Variants in GYG2 observed in about 807,000 individuals in gnomAD.
GYG2 encodes the protein glycogenin-2.
Under a neutral mutation model 29.4 loss-of-function variants are expected in GYG2, and 29 were observed. The observed-to-expected ratio is 0.99, with a 90% confidence interval of 0.74 to 1.35. The LOEUF (loss-of-function observed/expected upper bound fraction) is 1.35. Among genes scored for constraint, GYG2 ranks in the 40% most tolerant of loss-of-function variants. GYG2 has a pLI of 0.00. For missense variants in GYG2, 370 were observed against 385.7 expected (o/e 0.96, Z 0.34); for synonymous variants, 167 against 172.3 (o/e 0.97, Z 0.24).
At position 2,856,963 on chromosome X, in the gene GYG2, TTATCTATCTATCTATC is replaced by T. The variant is rs71989016; in HGVS notation, c.614+372_614+387del. ...TACCTATATAGGCCTAGACATCTGTTTATCTATCTATCTATCTATCTATCTATCTATCTATCTATCT... is the reference window on the plus strand; with the variant it reads ...TACCTATATAGGCCTAGACATCTGTTTATCTATCTATCTATCTATCTATCT... On this transcript the variant is annotated intron_variant, in intron 6 of 10. Transcript: ENST00000398806. Among the ~76,000 whole-genome samples, 463 of 63,593 alleles carry T rather than the reference TTATCTATCTATCTATC, an allele frequency of 7.3e-3. 1 individual carries two copies. The highest frequency in any genetic ancestry group is 0.02 in the African/African-American group (205 of 10,495). 55.2% of individuals were successfully genotyped at this position (63,593 alleles called of 115,157 possible). A position where few individuals can be genotyped will look rare whatever the true frequency, so the allele number is the denominator to read the frequency against.
intron 6 of GYG2, among the ~76,000 whole-genome samples, chrX:2,857,991 GA>G (rs1323030538): frequency 9.0e-6 from 1 of 111,333 alleles, no homozygotes; most frequent in Non-Finnish European, 1.9e-5. Flanking sequence ...CGCCTCTTGG[GA>G]AAATGGATGG....
chrX:2,871,684 C>T (rs6642057), intron 8 of GYG2, among the ~76,000 whole-genome samples: 9,913 of 102,499 alleles, frequency 0.097, 472 homozygotes, highest in South Asian at 0.35. Context: ...AACGAGACTC[C>T]GTCTCAAATA....
intron 8 of GYG2, among the ~76,000 whole-genome samples, chrX:2,863,419 C>T (rs779664699): frequency 2.2e-4 from 25 of 111,746 alleles, no homozygotes; most frequent in Non-Finnish European, 4.5e-4. Context: ...ACAAGTTTCT[C>T]AACAGAATTA....
rs890249907 is a variant in GYG2, at chrX:2,881,826, C to T, written c.*613C>T. ...CTAGAGCGTTGACAGAAATTCTACTCGTGGACGTTGGGAAGAAAGATTGTA... is the reference window on the plus strand; with the variant it reads ...CTAGAGCGTTGACAGAAATTCTACTTGTGGACGTTGGGAAGAAAGATTGTA... On this transcript the variant is annotated 3_prime_UTR_variant, in exon 11 of 11. Coordinates refer to ENST00000398806, the MANE Select transcript of GYG2 (RefSeq NM_001079855.2). 1 of 111,353 alleles carries T rather than the reference C, an allele frequency of 9.0e-6. No individual in the cohort carries two copies. Among genetic ancestry groups the T allele is most frequent in the Non-Finnish European group, 1.9e-5 (1 of 53,076 alleles). The allele number at this position is 111,353 out of a possible 1,213,427, so 9.2% of individuals were successfully genotyped here. A position where few individuals can be genotyped will look rare whatever the true frequency, so the allele number is the denominator to read the frequency against.
At position 2,835,179 on chromosome X, in the gene GYG2, C is replaced by G. The variant is rs143420386; in HGVS notation, c.7+4984C>G. Among the ~76,000 whole-genome samples the G allele has an allele frequency of 2.3e-3, 253 of 111,753 alleles. 1 individual carries two copies. The highest frequency in any genetic ancestry group is 7.9e-3 in the African/African-American group (242 of 30,753). On this transcript the variant is annotated intron_variant, in intron 2 of 10. Coordinates refer to ENST00000398806, the MANE Select transcript of GYG2 (RefSeq NM_001079855.2). Reference sequence around the variant, plus strand: ...AGTTATTATCAATAGAAGAGAATGTCTGGGTTATGATAAGAGGTTGTAGAG... The same window carrying G: ...AGTTATTATCAATAGAAGAGAATGTGTGGGTTATGATAAGAGGTTGTAGAG...
intron 10 of GYG2, among the ~76,000 whole-genome samples, chrX:2,878,847 C>T (rs1383759386): frequency 4.5e-5 from 5 of 112,048 alleles, no homozygotes; most frequent in African/African-American, 1.6e-4. Flanking sequence ...CTTGGATACT[C>T]ATCTCTTGTT....
chrX:2,881,407 C>T lies in GYG2; in HGVS notation c.*194C>T. 1 of 374,774 alleles carries T rather than the reference C, an allele frequency of 2.7e-6. No homozygotes were observed. Among genetic ancestry groups the T allele is most frequent in the Non-Finnish European group, 4.5e-6 (1 of 222,447 alleles). The allele number at this position is 374,774 out of a possible 1,213,427, so 30.9% of individuals were successfully genotyped here. A position where few individuals can be genotyped will look rare whatever the true frequency, so the allele number is the denominator to read the frequency against. ...TCCACCTTAAAGCCCCTCGCCCCAA[C>T]TTCTCCACCAACGCCTTCTGGGCTT... On this transcript the variant is annotated 3_prime_UTR_variant, in exon 11 of 11. Coordinates refer to ENST00000398806, the MANE Select transcript of GYG2 (RefSeq NM_001079855.2).
rs2088733116 is a variant in GYG2 at position 2,882,221 on chromosome X, G to C, written c.*1008G>C. On this transcript the variant is annotated 3_prime_UTR_variant, in exon 11 of 11. Coordinates refer to ENST00000398806, the MANE Select transcript of GYG2 (RefSeq NM_001079855.2). ...TGTGTATCTCACCAGGTAGCTGTCAGGGGCCACCGAGAGTGTCGTTAAAAA... is the reference window on the plus strand; with the variant it reads ...TGTGTATCTCACCAGGTAGCTGTCACGGGCCACCGAGAGTGTCGTTAAAAA... 9.0e-6 allele frequency: 1 copy of C among 110,731 alleles called. No individual in the cohort carries two copies. The highest frequency in any genetic ancestry group is 1.9e-5 in the Non-Finnish European group (1 of 52,895). The allele number at this position is 110,731 out of a possible 1,213,427, so 9.1% of individuals were successfully genotyped here.
At chrX:2,870,830 G>T (rs990754648) in intron 8 of GYG2, among the ~76,000 whole-genome samples, 1 of 111,478 alleles carries the variant, frequency 9.0e-6, no homozygotes, top group South Asian at 3.8e-4. Flanking sequence ...ACATATCTGG[G>T]TTTCAGGTGG....
At chrX:2,871,745 T>C (rs1305914472) in intron 8 of GYG2, among the ~76,000 whole-genome samples, 2 of 110,267 alleles carry the variant, frequency 1.8e-5, no homozygotes, top group Admixed American at 1.9e-4. Context: ...AAATTCTATA[T>C]ACATTATTTG....
At position 2,881,987 on chromosome X, in the gene GYG2, AG is replaced by A. The variant is rs2088729765; in HGVS notation, c.*777del. 9.1e-6 allele frequency: 1 copy of A among 110,281 alleles called. No individual in the cohort carries two copies. The highest frequency in any genetic ancestry group is 3.3e-5 in the African/African-American group (1 of 30,259). 9.1% of individuals were successfully genotyped at this position (110,281 alleles called of 1,213,427 possible). On this transcript the variant is annotated 3_prime_UTR_variant, in exon 11 of 11. Transcript: ENST00000398806. ...TGCTCTCTGCTTGACAACAAAAGTC[AG>A]GGTGCAGTCGGTCCACCCTTGACTG...
chrX:2,868,344 C>G (rs1034857424), intron 8 of GYG2, among the ~76,000 whole-genome samples: 4 of 105,721 alleles, frequency 3.8e-5, no homozygotes, highest in Non-Finnish European at 7.7e-5. Flanking sequence ...CCTGTCTCTG[C>G]TAGAAATACA....
At chrX:2,864,668 G>A (rs923759319) in intron 8 of GYG2, among the ~76,000 whole-genome samples, 3 of 111,299 alleles carry the variant, frequency 2.7e-5, no homozygotes, top group African/African-American at 9.8e-5. Flanking sequence ...TACATTAGTG[G>A]TTTTGCAAAC....
intron 10 of GYG2, chrX:2,878,283 AT>A: frequency 3.1e-6 from 1 of 327,210 alleles, no homozygotes; most frequent in Non-Finnish European, 4.0e-6. Flanking sequence ...CTTTTTAAAA[AT>A]TATTATTATT....
intron 10 of GYG2, chrX:2,877,708 T>C: frequency 1.3e-6 from 1 of 752,500 alleles, no homozygotes; most frequent in Non-Finnish European, 1.6e-6. Flanking sequence ...AATAATTTCT[T>C]CTTTCAGGAT....
intron 8 of GYG2, among the ~76,000 whole-genome samples, chrX:2,869,817 A>AT (rs1217052810): frequency 2.7e-5 from 3 of 111,427 alleles, no homozygotes; most frequent in Admixed American, 1.9e-4. Context: ...GATATTTTGT[A>AT]TTTTTTGTAG....
At chrX:2,876,855 A>G (rs889689884) in intron 9 of GYG2, among the ~76,000 whole-genome samples, 2 of 110,714 alleles carry the variant, frequency 1.8e-5, no homozygotes, top group African/African-American at 3.3e-5. Context: ...AGGCTGAGGC[A>G]GGAGAATGGC....
Position 2,854,039 on chromosome X carries a change from A to T in GYG2, c.209A>T (p.Asp70Val), listed in dbSNP as rs770747762. Residue 70 changes from aspartate (D) to valine (V), a missense_variant, in exon 4 of 11, where the codon GAC becomes GTC. By Grantham distance (152) the Asp-to-Val change is radical. Coordinates refer to ENST00000398806, the MANE Select transcript of GYG2 (RefSeq NM_001079855.2). ...VIEVNLIDSA[D>V]YIHLAFLKRP... ...GAAGTGAATCTAATCGATAGTGCCG[A>T]CTACATCCACCTGGCCTTTCTGAAG... 1.7e-6 allele frequency: 2 copies of T among 1,196,272 alleles called. No homozygotes were observed. Among genetic ancestry groups the T allele is most frequent in the South Asian group, 3.5e-5 (2 of 56,570 alleles).
rs370610122 is a variant in GYG2, at chrX:2,855,040, G to A, written c.372G>A (p.Ala124=). The change falls in exon 5 of 11, where the codon GCG becomes GCA. Residue 124 remains alanine, a synonymous_variant. Coordinates refer to ENST00000398806, the MANE Select transcript of GYG2 (RefSeq NM_001079855.2). ...DELFDRGEFS[A]APDPGWPDCF... ...TGTTTGACAGGGGAGAGTTTTCTGCGGCCCCGGACCCCGGATGGCCGGATT... is the reference window on the plus strand; with the variant it reads ...TGTTTGACAGGGGAGAGTTTTCTGCAGCCCCGGACCCCGGATGGCCGGATT... The A allele has an allele frequency of 1.4e-5, 17 of 1,209,828 alleles. No individual in the cohort carries two copies. Among genetic ancestry groups the A allele is most frequent in the East Asian group, 5.9e-5 (2 of 33,744 alleles).
Sources: allele counts gnomAD v4.1 joint callset (sites outside exome capture counted in the v4.1 genomes callset), GRCh38; gene constraint gnomAD v4.1.1; transcripts MANE v1.5; gene names NCBI Gene and HGNC (gene_info 2026-07-23, HGNC 2026-07-21).